CCDC60: variants seen among roughly 807,000 people sequenced by gnomAD.
CCDC60 encodes coiled-coil domain containing 60, also known as coiled-coil domain-containing protein 60.
In CCDC60, 54 loss-of-function variants were observed where a neutral mutation model predicts 63.5. The ratio of observed to expected loss-of-function variants is 0.85; its 90% CI spans 0.68 to 1.07. CCDC60 has a LOEUF of 1.07. Among genes scored for constraint, CCDC60 ranks in the 50% least tolerant of loss-of-function variants. The pLI, the probability that CCDC60 is intolerant of heterozygous loss-of-function variation, is 0.00. For missense variants in CCDC60, 651 were observed against 684.3 expected (o/e 0.95, Z 0.54); for synonymous variants, 206 against 238.8 (o/e 0.86, Z 1.27).
At chr12:119,347,374 T>A (rs1955608346) in intron 1 of CCDC60, among the ~76,000 whole-genome samples, 2 of 152,270 alleles carry the variant, frequency 1.3e-5, no homozygotes, top group African/African-American at 4.8e-5. Context: ...GTTAAATGGA[T>A]TCACTCTGAA....
Position 119,420,965 on chromosome 12 carries a change from T to C in CCDC60, c.91-7718T>C, listed in dbSNP as rs1413344636. Among the ~76,000 whole-genome samples the C allele has an allele frequency of 6.6e-6, 1 of 152,212 alleles. No homozygotes were observed. The highest frequency in any genetic ancestry group is 2.4e-5 in the African/African-American group (1 of 41,442). On this transcript the variant is annotated intron_variant, in intron 1 of 13. Coordinates refer to ENST00000327554, the MANE Select transcript of CCDC60 (RefSeq NM_178499.5). This position sits in a 1 kb window ranked among gnomAD's most constrained non-coding sequence, Gnocchi z 4.1. ...CCATGATCCCGCCTACTCTGTTCTT[T>C]ACAGCTTCTCCATAATGAGTCTGAA... is the stretch of plus-strand genomic sequence containing the variant.
intron 13 of CCDC60, 46 bp from the exon 14 acceptor site, chr12:119,540,568 A>G: frequency 7.2e-7 from 1 of 1,393,466 alleles, no homozygotes. Flanking sequence ...GGTGGAGTCT[A>G]CTTTTCAGAG....
rs534900522 is a variant in CCDC60 at position 119,402,655 on chromosome 12, T to G, written c.91-26028T>G. Among the ~76,000 whole-genome samples the G allele has an allele frequency of 1.1e-4, 17 of 152,344 alleles. No individual in the cohort carries two copies. In the South Asian group the frequency reaches 3.5e-3, roughly 32 times the overall value. ...TAAGTGGGTAGCACATAGTATGCAC[T>G]TAGACACTTAGTAGGTAAATGGCAG... On this transcript the variant is annotated intron_variant, in intron 1 of 13. Coordinates refer to ENST00000327554, the MANE Select transcript of CCDC60 (RefSeq NM_178499.5).
chr12:119,470,382 C>G (rs1051144907), intron 2 of CCDC60, among the ~76,000 whole-genome samples: 3 of 152,088 alleles, frequency 2.0e-5, no homozygotes, highest in African/African-American at 7.2e-5. Flanking sequence ...TGAACTGGTC[C>G]CTGGAATAGC....
intron 5 of CCDC60, among the ~76,000 whole-genome samples, chr12:119,493,754 T>C (rs957314278): frequency 6.6e-6 from 1 of 152,180 alleles, no homozygotes; most frequent in Non-Finnish European, 1.5e-5. Flanking sequence ...TTAGGCAAAG[T>C]AGGATCTGAT....
intron 1 of CCDC60, among the ~76,000 whole-genome samples, chr12:119,338,924 C>T (rs893281379): frequency 1.3e-5 from 2 of 152,242 alleles, no homozygotes; most frequent in African/African-American, 4.8e-5. Context: ...ATTTTCCTTT[C>T]TCACAGGGTT....
At chr12:119,397,407 A>G (rs966725776) in intron 1 of CCDC60, among the ~76,000 whole-genome samples, 1 of 151,846 alleles carries the variant, frequency 6.6e-6, no homozygotes, top group African/African-American at 2.4e-5. Context: ...ATTTTGATAG[A>G]GTGCTGATTG....
chr12:119,509,615 T>C (rs917321219), intron 7 of CCDC60, among the ~76,000 whole-genome samples: 3 of 151,950 alleles, frequency 2.0e-5, no homozygotes, highest in Admixed American at 6.6e-5. Context: ...GACCATTTAC[T>C]ATCACATTTG....
At chr12:119,468,501 T>C (rs1402817405) in intron 2 of CCDC60, among the ~76,000 whole-genome samples, 1 of 152,148 alleles carries the variant, frequency 6.6e-6, no homozygotes, top group Admixed American at 6.5e-5. Flanking sequence ...GATGGATATA[T>C]GACATGTGGC....
intron 1 of CCDC60, among the ~76,000 whole-genome samples, chr12:119,344,679 T>C (rs1415871210): frequency 6.6e-6 from 1 of 152,186 alleles, no homozygotes; most frequent in Admixed American, 6.5e-5. Context: ...CGAATATCTT[T>C]AATGAAGTTT....
In CCDC60 at chr12:119,531,045, C is replaced by A; in HGVS notation, c.1533C>A (p.Asp511Glu). 1 of 1,613,942 alleles carries A rather than the reference C, an allele frequency of 6.2e-7. No homozygotes were observed. The highest frequency in any genetic ancestry group is 8.5e-7 in the Non-Finnish European group (1 of 1,179,914). The change falls in exon 13 of 14, where the codon GAC becomes GAA. Residue 511 changes from aspartate (D) to glutamate (E), a missense_variant. Coordinates refer to ENST00000327554, the MANE Select transcript of CCDC60 (RefSeq NM_178499.5). ...DLRIWELCSP[D>E]IAVAIEFVRE... ...GGATTTGGGAACTGTGCTCCCCTGA[C>A]ATCGCTGTGGCTATTGAGGTAAACA... is the stretch of plus-strand genomic sequence containing the variant.
chr12:119,380,741 CTTG>C (rs1412877960), intron 1 of CCDC60, among the ~76,000 whole-genome samples: 7 of 152,180 alleles, frequency 4.6e-5, no homozygotes, highest in Non-Finnish European at 7.3e-5. Flanking sequence ...TCTCTAAGGA[CTTG>C]TTGCTCTTCC....
At chr12:119,388,667 C>A (rs991463881) in intron 1 of CCDC60, among the ~76,000 whole-genome samples, 6 of 152,152 alleles carry the variant, frequency 3.9e-5, no homozygotes, top group Non-Finnish European at 8.8e-5. Context: ...TCTATATGTA[C>A]ATCTTGGAAA....
At chr12:119,394,428 GCGTCCACC>G (rs1956214036) in intron 1 of CCDC60, among the ~76,000 whole-genome samples, 1 of 152,206 alleles carries the variant, frequency 6.6e-6, no homozygotes. Context: ...TACATGCTTA[GCGTCCACC>G]CACCATGTGG....
chr12:119,529,848 C>G (rs1952789145), intron 12 of CCDC60, among the ~76,000 whole-genome samples: 1 of 152,174 alleles, frequency 6.6e-6, no homozygotes, highest in Non-Finnish European at 1.5e-5. Context: ...AATGCTGGTC[C>G]TCCCACAGTG....
At chr12:119,432,091 A>G (rs752083370) in intron 2 of CCDC60, among the ~76,000 whole-genome samples, 1 of 152,166 alleles carries the variant, frequency 6.6e-6, no homozygotes, top group Non-Finnish European at 1.5e-5. Flanking sequence ...TAAAAGTCAG[A>G]TATCTTTCAT....
At chr12:119,535,209 T>C (rs1287211169) in intron 13 of CCDC60, among the ~76,000 whole-genome samples, 1 of 152,214 alleles carries the variant, frequency 6.6e-6, no homozygotes, top group Non-Finnish European at 1.5e-5. Context: ...CGCAGAGGTG[T>C]TTATGGTATT....
Position 119,358,024 on chromosome 12 carries a change from C to T in CCDC60, c.90+22758C>T, listed in dbSNP as rs1023662524. ...GAACAAAAGAAAGTGGGGGGCAAGG[C>T]GAGCTACACACTTTTAAACAACCAG... is the stretch of plus-strand genomic sequence containing the variant. On this transcript the variant is annotated intron_variant, in intron 1 of 13. Coordinates refer to ENST00000327554, the MANE Select transcript of CCDC60 (RefSeq NM_178499.5). Among the ~76,000 whole-genome samples, 74 of 151,964 alleles carry T rather than the reference C, an allele frequency of 4.9e-4. 3 individuals are homozygous for T. Among genetic ancestry groups the T allele is most frequent in the South Asian group, 2.1e-4 (1 of 4,812 alleles).
intron 3 of CCDC60, among the ~76,000 whole-genome samples, chr12:119,474,914 G>A (rs1951142861): frequency 6.6e-6 from 1 of 152,094 alleles, no homozygotes; most frequent in Non-Finnish European, 1.5e-5. Context: ...TGAGGCCTGG[G>A]GTATTGAGTC....
Sources: allele counts gnomAD v4.1 joint callset (sites outside exome capture counted in the v4.1 genomes callset), GRCh38; gene constraint gnomAD v4.1.1; non-coding constraint Gnocchi (gnomAD v3.1); transcripts MANE v1.5; gene names NCBI Gene and HGNC (gene_info 2026-07-23, HGNC 2026-07-21).